The following CFAP54 variants were observed in gnomAD, a reference collection of about 807,000 sequenced individuals.
CFAP54 encodes the protein cilia and flagella associated protein 54.
CFAP54 carries 290 observed loss-of-function variants against 370.4 expected under a neutral mutation model. The observed-to-expected ratio is 0.78, with a 90% CI of 0.71 to 0.86. The LOEUF is 0.86. Among genes scored for constraint, CFAP54 ranks in the 40% least tolerant of loss-of-function variants. The pLI, the probability that CFAP54 is intolerant of heterozygous loss-of-function variation, is 0.00. For synonymous variants in CFAP54, 1,206 were observed against 1,236.5 expected (o/e 0.98, Z 0.52); for missense variants, 3,399 against 3,528.7 (o/e 0.96, Z 0.93).
At chr12:96,772,420 T>A (rs1029527364) in intron 60 of CFAP54, among the ~76,000 whole-genome samples, 16 of 152,162 alleles carry the variant, frequency 1.1e-4, no homozygotes, top group Non-Finnish European at 2.4e-4. Context: ...TCATGGCCCC[T>A]CCCTTTATCT....
intron 67 of CFAP54, among the ~76,000 whole-genome samples, chr12:96,865,227 A>G (rs888311687): frequency 1.8e-4 from 28 of 152,348 alleles, no homozygotes; most frequent in African/African-American, 6.3e-4. Flanking sequence ...ATAGTGGCAT[A>G]GTCATACAAG....
At chr12:96,537,515 T>C (rs529091936) in intron 12 of CFAP54, among the ~76,000 whole-genome samples, 29 of 152,242 alleles carry the variant, frequency 1.9e-4, no homozygotes, top group South Asian at 1.2e-3. Context: ...CTACTTTTTA[T>C]ATTTTTAGTA....
In CFAP54 at chr12:96,713,109, A is replaced by C. The variant is rs903433049; in HGVS notation, c.6724+4306A>C. On this transcript the variant is annotated intron_variant, in intron 48 of 67. Coordinates refer to ENST00000524981, the MANE Select transcript of CFAP54 (RefSeq NM_001306084.2). Reference sequence around the variant, plus strand: ...TGGTGGGAATGTAAATTAGTACAACAACTATTGAAAACAGTATGGTCATTC... The same window carrying C: ...TGGTGGGAATGTAAATTAGTACAACCACTATTGAAAACAGTATGGTCATTC... 3.3e-5 allele frequency among the ~76,000 whole-genome samples: 5 copies of C among 152,270 alleles called. No homozygotes were observed. The East Asian group carries it at 7.7e-4, about 23-fold the overall frequency.
chr12:96,714,400 CATT>C (rs1264212245), intron 48 of CFAP54, among the ~76,000 whole-genome samples: 2 of 152,168 alleles, frequency 1.3e-5, no homozygotes, highest in Non-Finnish European at 2.9e-5. Flanking sequence ...GTTTCGCAAT[CATT>C]AGTCTATAGA....
chr12:96,709,159 G>A (rs150618188), intron 48 of CFAP54, among the ~76,000 whole-genome samples: 1 of 152,200 alleles, frequency 6.6e-6, no homozygotes, highest in Non-Finnish European at 1.5e-5. Flanking sequence ...CTTTGCTTTG[G>A]TCCATTATAT....
intron 13 of CFAP54, 109 bp downstream of exon 13, chr12:96,538,627 T>G (rs760446077): frequency 2.3e-4 from 240 of 1,031,794 alleles, no homozygotes; most frequent in Non-Finnish European, 3.2e-4. Flanking sequence ...GTTAATGACT[T>G]TCATTTGCAT....
chr12:96,687,938 T>G (rs1957345461), intron 42 of CFAP54, among the ~76,000 whole-genome samples: 1 of 152,232 alleles, frequency 6.6e-6, no homozygotes. Context: ...ATTTCCTGGT[T>G]TCCCAGCCAG....
chr12:96,711,446 C>T (rs1426849702), intron 48 of CFAP54, among the ~76,000 whole-genome samples: 1 of 152,116 alleles, frequency 6.6e-6, no homozygotes, highest in African/African-American at 2.4e-5. Context: ...CTTAGAGGGG[C>T]TCCTGTGTTC....
At chr12:96,774,438 A>G (rs1308770274) in intron 60 of CFAP54, among the ~76,000 whole-genome samples, 1 of 152,158 alleles carries the variant, frequency 6.6e-6, no homozygotes, top group Non-Finnish European at 1.5e-5. Context: ...AAGCGGATAT[A>G]AATTTAATTT....
At chr12:96,702,593 C>T (rs1344513774) in intron 46 of CFAP54, among the ~76,000 whole-genome samples, 1 of 152,130 alleles carries the variant, frequency 6.6e-6, no homozygotes, top group African/African-American at 2.4e-5. Flanking sequence ...CTAATTTTTA[C>T]AAGTAGATTC....
chr12:96,513,108 C>T (rs573309395), intron 5 of CFAP54, 64 bp downstream of exon 5: 384 of 872,272 alleles, frequency 4.4e-4, no homozygotes, highest in Non-Finnish European at 5.5e-4. Flanking sequence ...TTAAGGCTTT[C>T]ATTACACAGT....
chr12:96,796,321 A>G (rs1473923602), intron 63 of CFAP54, among the ~76,000 whole-genome samples: 1 of 152,198 alleles, frequency 6.6e-6, no homozygotes, highest in African/African-American at 2.4e-5. Context: ...CTTTTATACT[A>G]TTCTTGTCAG....
chr12:96,647,500 A>AAAAAAAC (rs1565927578), intron 33 of CFAP54, among the ~76,000 whole-genome samples: 21 of 145,214 alleles, frequency 1.4e-4, no homozygotes, highest in Non-Finnish European at 2.5e-4. Context: ...AAAAAAAGAA[A>AAAAAAAC]TGCCATTGAT....
chr12:96,523,347 A>G (rs541474299), intron 8 of CFAP54, among the ~76,000 whole-genome samples: 11 of 152,364 alleles, frequency 7.2e-5, no homozygotes, highest in East Asian at 1.9e-4. Flanking sequence ...CTCTAAGTCC[A>G]GTGCTTGGCC....
intron 32 of CFAP54, among the ~76,000 whole-genome samples, chr12:96,639,101 G>A (rs905935195): frequency 1.3e-5 from 2 of 152,100 alleles, no homozygotes; most frequent in African/African-American, 4.8e-5. Context: ...ACACTGCTTT[G>A]AATGTGTCCC....
intron 5 of CFAP54, among the ~76,000 whole-genome samples, chr12:96,513,443 T>C (rs1039054449): frequency 1.3e-5 from 2 of 152,260 alleles, no homozygotes; most frequent in East Asian, 3.9e-4. Context: ...CCACTTTTAC[T>C]AGTAAAAGTG....
chr12:96,874,755 G>A (rs1205196699), intron 67 of CFAP54, among the ~76,000 whole-genome samples: 5 of 150,442 alleles, frequency 3.3e-5, no homozygotes, highest in Non-Finnish European at 7.4e-5. Context: ...TCAGCCTCCC[G>A]AGTAGCTGGG....
At chr12:96,640,697 A>G (rs945057924) in intron 32 of CFAP54, among the ~76,000 whole-genome samples, 5 of 152,352 alleles carry the variant, frequency 3.3e-5, no homozygotes, top group East Asian at 3.9e-4. Flanking sequence ...TACAGTAACC[A>G]AAACAGCATG....
At chr12:96,679,053 C>T (rs1220854593) in intron 39 of CFAP54, among the ~76,000 whole-genome samples, 1 of 152,226 alleles carries the variant, frequency 6.6e-6, no homozygotes, top group Non-Finnish European at 1.5e-5. Context: ...AAGCAACTCT[C>T]TCCCACTATC....
Sources: gnomAD v4.1 joint callset for allele counts (sites outside exome capture counted in the v4.1 genomes callset) on GRCh38, gnomAD v4.1.1 for gene constraint, MANE v1.5 for transcripts, NCBI Gene and HGNC (gene_info 2026-07-23, HGNC 2026-07-21) for gene names.